Variants in ADGRE1 observed in about 807,000 individuals in gnomAD.
ADGRE1 encodes the protein EGF-like module receptor 1.
Under a neutral mutation model 102.7 loss-of-function variants are expected in ADGRE1, and 82 were observed. That is an observed-to-expected ratio of 0.80 (90% CI 0.67 to 0.96). The LOEUF (loss-of-function observed/expected upper bound fraction) is 0.96. ADGRE1 is among the 40% of genes least tolerant of loss of function. The probability of loss-of-function intolerance (pLI) is 0.00; values close to 1 mark genes in which losing one functional copy is unlikely to be tolerated. For missense variants in ADGRE1, 1,032 were observed against 1,085.3 expected, an observed-to-expected ratio of 0.95 and a Z score of 0.69; for synonymous variants, 398 against 399.6, an observed-to-expected ratio of 1.00 and a Z score of 0.05.
chr19:6,921,702 GTT>G lies in ADGRE1; in HGVS notation c.1621-4_1621-3del. 1 of 1,566,262 alleles carries G rather than the reference GTT, an allele frequency of 6.4e-7. No individual in the cohort carries two copies. On this transcript the variant is annotated splice_polypyrimidine_tract_variant and intron_variant, in intron 13 of 20. Transcript: ENST00000312053. ...AAGACCTTTGTTTTTTTGTTTTTTT[GTT>G]TTTTTTAGCCAAAGCAGAAGTTTGA...
intron 5 of ADGRE1, chr19:6,897,781 A>C (rs537447570): frequency 3.4e-6 from 1 of 296,874 alleles, no homozygotes. Context: ...CTTTTTAAAA[A>C]ATTTTTTATC....
chr19:6,934,671 G>A (rs1318438307), intron 17 of ADGRE1, among the ~76,000 whole-genome samples: 1 of 142,400 alleles, frequency 7.0e-6, no homozygotes, highest in Non-Finnish European at 1.5e-5. Flanking sequence ...AATCTCAGCT[G>A]TCTGCAACCT....
At chr19:6,923,516 G>A (rs1345865999) in intron 14 of ADGRE1, among the ~76,000 whole-genome samples, 1 of 151,962 alleles carries the variant, frequency 6.6e-6, no homozygotes, top group African/African-American at 2.4e-5. Context: ...AAATTGGCCA[G>A]TTTTTTTCTT....
intron 5 of ADGRE1, 146 bp downstream of exon 5, chr19:6,897,693 T>G: frequency 1.2e-6 from 1 of 831,074 alleles, no homozygotes; most frequent in South Asian, 3.8e-5. Context: ...GCTTATATCT[T>G]TTTCTATCCC....
chr19:6,926,744 A>G, intron 16 of ADGRE1, 143 bp downstream of exon 16: 1 of 798,870 alleles, frequency 1.3e-6, no homozygotes. Context: ...TATTGGTTTC[A>G]GGACCACCAT....
chr19:6,933,327 C>T (rs1975244824), intron 17 of ADGRE1, among the ~76,000 whole-genome samples: 1 of 152,084 alleles, frequency 6.6e-6, no homozygotes, highest in African/African-American at 2.4e-5. Context: ...TCCCCTGGGG[C>T]CGTGATTCTC....
intron 1 of ADGRE1, among the ~76,000 whole-genome samples, chr19:6,889,820 G>A (rs993618584): frequency 2.0e-5 from 3 of 150,440 alleles, no homozygotes; most frequent in Admixed American, 6.6e-5. Flanking sequence ...ATACATAAAA[G>A]AGTAAGCTTA....
rs770357874 is a variant in ADGRE1 at position 6,919,597 on chromosome 19, A to G, written c.1470A>G (p.Leu490=). The part of the protein sequence containing the change: ...FVSFVGMESV[L]NERFFKDHQA... ...CCTTTGTGGGCATGGAATCGGTTTTAAATGAGCGCTTCTTCAAAGACCACC... is the reference window on the plus strand; with the variant it reads ...CCTTTGTGGGCATGGAATCGGTTTTGAATGAGCGCTTCTTCAAAGACCACC... Residue 490 remains leucine (L), a synonymous_variant, in exon 13 of 21, where the codon TTA becomes TTG. Transcript: ENST00000312053. 19 of 1,613,472 alleles carry G rather than the reference A, an allele frequency of 1.2e-5. No homozygotes were observed. The highest frequency in any genetic ancestry group is 1.5e-5 in the Non-Finnish European group (18 of 1,179,886).
chr19:6,907,549 A>G (rs1974013461), intron 9 of ADGRE1, among the ~76,000 whole-genome samples: 1 of 152,110 alleles, frequency 6.6e-6, no homozygotes, highest in African/African-American at 2.4e-5. Context: ...CATGTTGGCC[A>G]GACTGGTCTC....
chr19:6,922,994 G>A (rs538896106), intron 14 of ADGRE1, among the ~76,000 whole-genome samples: 33 of 152,112 alleles, frequency 2.2e-4, no homozygotes, highest in Admixed American at 1.0e-3. Flanking sequence ...GGAGAATGGC[G>A]TGAACCCGGG....
chr19:6,922,568 T>C (rs1974711932), intron 14 of ADGRE1, among the ~76,000 whole-genome samples: 1 of 150,144 alleles, frequency 6.7e-6, no homozygotes, highest in Non-Finnish European at 1.5e-5. Flanking sequence ...TGAGCTGAGA[T>C]GGCACCACTG....
At chr19:6,936,626 G>GTTTTT in intron 18 of ADGRE1, among the ~76,000 whole-genome samples, 1 of 127,652 alleles carries the variant, frequency 7.8e-6, no homozygotes, top group South Asian at 2.5e-4. Flanking sequence ...GCAAATCCTT[G>GTTTTT]TTTTTTTTTT....
At chr19:6,888,111 GATAAA>G (rs1348514183) in intron 1 of ADGRE1, among the ~76,000 whole-genome samples, 3 of 152,192 alleles carry the variant, frequency 2.0e-5, no homozygotes, top group Non-Finnish European at 4.4e-5. Flanking sequence ...AGGCAAAAGA[GATAAA>G]ATAATTTTCC....
intron 6 of ADGRE1, among the ~76,000 whole-genome samples, chr19:6,902,505 A>G (rs1973804598): frequency 6.6e-6 from 1 of 151,806 alleles, no homozygotes; most frequent in South Asian, 2.1e-4. Context: ...CAGTGGTACA[A>G]TCTCGGCTCA....
Position 6,890,498 on chromosome 19 carries a change from A to G in ADGRE1, c.49A>G (p.Ser17Gly). 4 of 1,601,878 alleles carry G rather than the reference A, an allele frequency of 2.5e-6. No homozygotes were observed. Among genetic ancestry groups the G allele is most frequent in the Non-Finnish European group, 3.4e-6 (4 of 1,177,252 alleles). The part of the protein sequence containing the change: ...LLFWGCCVMH[S>G]WEGHIRPTRK... The stretch of plus-strand genomic sequence containing the variant: ...CTTCACAGGATGTTGTGTTATGCAC[A>G]GCTGGGAAGGGCACATAAGACCCAC... Residue 17 changes from serine (S) to glycine (G), a missense_variant, in exon 2 of 21, where the codon AGC becomes GGC. Ser to Gly is a moderately conservative substitution (Grantham distance 56, BLOSUM62 0). Transcript: ENST00000312053.
At chr19:6,918,355 C>T (rs919244314) in intron 12 of ADGRE1, among the ~76,000 whole-genome samples, 1 of 152,000 alleles carries the variant, frequency 6.6e-6, no homozygotes, top group Admixed American at 6.6e-5. Context: ...GCAGGAGAAT[C>T]GCTTGAACCC....
intron 18 of ADGRE1, 22 bp from the exon 19 acceptor site, chr19:6,937,221 A>T: frequency 6.2e-7 from 1 of 1,607,130 alleles, no homozygotes; most frequent in Non-Finnish European, 8.5e-7. Context: ...AGAGCCTTAC[A>T]TGCTGTACAT....
chr19:6,905,643 G>T (rs1440606347), intron 8 of ADGRE1, among the ~76,000 whole-genome samples: 1 of 151,974 alleles, frequency 6.6e-6, no homozygotes, highest in Non-Finnish European at 1.5e-5. Flanking sequence ...GAGCCACCGT[G>T]CCCGGCCAAC....
chr19:6,926,236 T>C, intron 15 of ADGRE1, 130 bp from the exon 16 acceptor site: 1 of 969,778 alleles, frequency 1.0e-6, no homozygotes, highest in Non-Finnish European at 1.5e-6. Flanking sequence ...CACCTCTCTA[T>C]AAATGTTTGT....
Sources: allele counts gnomAD v4.1 joint callset (sites outside exome capture counted in the v4.1 genomes callset), GRCh38; gene constraint gnomAD v4.1.1; transcripts MANE v1.5; gene names NCBI Gene and HGNC (gene_info 2026-07-23, HGNC 2026-07-21).